Variants in TTLL8 observed in about 807,000 individuals in gnomAD.
TTLL8 encodes protein monoglycylase TTLL8.
Under a neutral mutation model 77.8 loss-of-function variants are expected in TTLL8, and 65 were observed. The ratio of observed to expected loss-of-function variants is 0.84; its 90% confidence interval spans 0.68 to 1.03. The LOEUF is 1.03. Among genes scored for constraint, TTLL8 ranks in the 50% least tolerant of loss-of-function variants. The pLI is 0.00. For missense variants in TTLL8, 910 were observed against 1,004.5 expected (o/e 0.91, Z 1.27); for synonymous variants, 402 against 422.8 (o/e 0.95, Z 0.60).
Position 50,031,443 on chromosome 22 carries a change from C to T in TTLL8, c.1707+243G>A, listed in dbSNP as rs550030673. ...AGGCACTGAGCCTGAGTGAGCGGGG[C>T]CGCTCCGCCCGCACGCCTGGAGTAG... On this transcript the variant is annotated intron_variant, in intron 11 of 13. Coordinates refer to ENST00000266182, the Ensembl canonical transcript of TTLL8. Among the ~76,000 whole-genome samples the T allele has an allele frequency of 3.3e-5, 5 of 152,318 alleles. No homozygotes were observed. The East Asian group carries it at 9.6e-4, about 29-fold the overall frequency.
chr22:50,032,162 C>T lies in TTLL8; in HGVS notation c.1284-53G>A, dbSNP rs2061301245. On this transcript the variant is annotated intron_variant, in intron 10 of 13. Transcript: ENST00000266182. ...CAGCCTCCCTTGGCCCAGGAGGGCACCCAAGGCCGGTCCTCCCAGCCGTGC... is the reference window on the plus strand; with the variant it reads ...CAGCCTCCCTTGGCCCAGGAGGGCATCCAAGGCCGGTCCTCCCAGCCGTGC... 26 of 1,302,338 alleles carry T rather than the reference C, an allele frequency of 2.0e-5. No homozygotes were observed. The South Asian group carries it at 3.0e-4, about 15-fold the overall frequency. 80.7% of individuals were successfully genotyped at this position (1,302,338 alleles called of 1,614,324 possible). A position where few individuals can be genotyped will look rare whatever the true frequency, so the allele number is the denominator to read the frequency against.
intron 12 of TTLL8, among the ~76,000 whole-genome samples, chr22:50,022,760 C>A (rs928671060): frequency 6.6e-6 from 1 of 152,240 alleles, no homozygotes; most frequent in South Asian, 2.1e-4. Context: ...GAATAAGACA[C>A]AAAAGGCATA....
chr22:50,043,802 A>G (rs1462137861), intron 6 of TTLL8, among the ~76,000 whole-genome samples: 3 of 152,178 alleles, frequency 2.0e-5, no homozygotes, highest in Admixed American at 6.5e-5. Flanking sequence ...ACCGAATGGC[A>G]TTCTAGAAAA....
chr22:50,027,989 C>T (rs1049855936), intron 12 of TTLL8, among the ~76,000 whole-genome samples: 8 of 152,338 alleles, frequency 5.3e-5, no homozygotes, highest in Admixed American at 3.3e-4. Context: ...GCCTCAGACA[C>T]GTGGTGTCGG....
intron 1 of TTLL8, among the ~76,000 whole-genome samples, chr22:50,051,152 G>A (rs548682489): frequency 2.0e-4 from 31 of 152,280 alleles, no homozygotes; most frequent in Admixed American, 1.6e-3. Flanking sequence ...GTGAGCCACC[G>A]CGCCCAGCCC....
chr22:50,033,369 CTTG>C (rs2061312598), exon 10 of TTLL8: 1 of 1,365,386 alleles, frequency 7.3e-7, no homozygotes, highest in Non-Finnish European at 9.8e-7. Flanking sequence ...GGACCACCCA[CTTG>C]TTGTCCCTGG....
At chr22:50,028,229 C>T (rs767863844) in intron 12 of TTLL8, among the ~76,000 whole-genome samples, 2 of 152,342 alleles carry the variant, frequency 1.3e-5, no homozygotes, top group East Asian at 3.9e-4. Context: ...CTTTCCTCTT[C>T]AGCATGGTAA....
At chr22:50,033,518 G>A (rs2061314128) in intron 9 of TTLL8, 73 bp from the exon 11 acceptor site, 7 of 1,268,402 alleles carry the variant, frequency 5.5e-6, no homozygotes, top group Admixed American at 2.1e-5. Flanking sequence ...GAGCCCTGGG[G>A]CAGGGTCGCA....
At chr22:50,026,642 G>A (rs1345753239) in intron 12 of TTLL8, among the ~76,000 whole-genome samples, 1 of 152,216 alleles carries the variant, frequency 6.6e-6, no homozygotes, top group Non-Finnish European at 1.5e-5. Flanking sequence ...TCACCATTTG[G>A]AGAAGAGACT....
At chr22:50,020,278 C>T (rs2061186782) in intron 12 of TTLL8, among the ~76,000 whole-genome samples, 4 of 150,884 alleles carry the variant, frequency 2.7e-5, no homozygotes, top group African/African-American at 5.0e-5. Flanking sequence ...ACGTGCACTC[C>T]TCCATCTGAT....
rs776508046 is a variant in TTLL8, at chr22:50,030,865, T to C, written c.1768A>G (p.Arg590Gly). 3.0e-6 allele frequency: 4 copies of C among 1,332,870 alleles called. No individual in the cohort carries two copies. The South Asian group carries it at 3.6e-5, about 12-fold the overall frequency. 82.6% of individuals were successfully genotyped at this position (1,332,870 alleles called of 1,614,324 possible). Residue 590 changes from arginine to glycine, a missense_variant, in exon 12 of 14, where the codon AGG becomes GGG. This residue lies in a region of TTLL8 where 776 missense variants were observed against 926.1 expected (regional missense o/e 0.84). Transcript: ENST00000266182. ...GGCAGCACCTGCCTCCTGGCTCTCCTCACACTGACGCCCGCCACGCAGAGG... is the reference window on the plus strand; with the variant it reads ...GGCAGCACCTGCCTCCTGGCTCTCCCCACACTGACGCCCGCCACGCAGAGG...
chr22:50,043,411 A>G (rs535062571), intron 6 of TTLL8, among the ~76,000 whole-genome samples: 2 of 92,596 alleles, frequency 2.2e-5, no homozygotes, highest in East Asian at 6.2e-4. Flanking sequence ...CCTTCGGTAG[A>G]TGGATAGATA....
At chr22:50,030,051 T>C (rs1394885573) in intron 12 of TTLL8, 1 of 635,900 alleles carries the variant, frequency 1.6e-6, no homozygotes, top group Non-Finnish European at 2.0e-6. Flanking sequence ...CGCGGTCACT[T>C]TGGCCCCTCG....
intron 12 of TTLL8, among the ~76,000 whole-genome samples, chr22:50,020,566 A>G (rs983682845): frequency 2.9e-5 from 3 of 104,450 alleles, no homozygotes; most frequent in African/African-American, 9.9e-5. Context: ...GCACTCCTCC[A>G]TCTGACAACG....
rs954291837 is a variant in TTLL8, at chr22:50,041,414, CCAGA to C, written c.831-141_831-138del. The C allele has an allele frequency of 4.9e-5, 50 of 1,030,022 alleles. No homozygotes were observed. Among genetic ancestry groups the C allele is most frequent in the Non-Finnish European group, 3.0e-5 (23 of 764,586 alleles). 63.8% of individuals were successfully genotyped at this position (1,030,022 alleles called of 1,614,324 possible). ...AATACCCAACAAGTATCCCAGACAT[CCAGA>C]CAGACACCACAATACTCAACAAGCA... On this transcript the variant is annotated intron_variant, in intron 7 of 13. Transcript: ENST00000266182. The surrounding 1 kb of genome is among the most constrained non-coding windows in gnomAD (Gnocchi z 4.3).
At chr22:50,038,376 T>G (rs904237678) in intron 8 of TTLL8, among the ~76,000 whole-genome samples, 6 of 152,170 alleles carry the variant, frequency 3.9e-5, no homozygotes, top group African/African-American at 1.4e-4. Context: ...CCTGTACTAT[T>G]TAACTAGTCA....
At position 50,050,109 on chromosome 22, in the gene TTLL8, C is replaced by CATTG; in HGVS notation, c.186_189dup (p.Asp64GlnfsTer2). On this transcript the variant is annotated frameshift_variant and splice_region_variant, in exon 2 of 14. Transcript: ENST00000266182. LOFTEE classifies it high-confidence loss of function. ...GAGACGTGCGCCTCCGATACGCTAC[C>CATTG]ATTGACCCGGGCGCCTTCATCCTCG... 1 of 1,366,826 alleles carries CATTG rather than the reference C, an allele frequency of 7.3e-7. No individual in the cohort carries two copies. The highest frequency in any genetic ancestry group is 9.8e-7 in the Non-Finnish European group (1 of 1,021,690). 84.7% of individuals were successfully genotyped at this position (1,366,826 alleles called of 1,614,324 possible). A position where few individuals can be genotyped will look rare whatever the true frequency, so the allele number is the denominator to read the frequency against.
At chr22:50,030,307 C>T (rs2061277692) in intron 12 of TTLL8, 123 bp downstream of exon 13, 14 of 1,113,196 alleles carry the variant, frequency 1.3e-5, no homozygotes, top group African/African-American at 1.7e-5. Flanking sequence ...GGGGACACCC[C>T]GGGCCCCAGC....
At chr22:50,053,624 C>A (rs557208317) in intron 1 of TTLL8, among the ~76,000 whole-genome samples, 2 of 152,052 alleles carry the variant, frequency 1.3e-5, no homozygotes, top group African/African-American at 4.8e-5. Flanking sequence ...AATTAATGAG[C>A]GGATATGGTT....
Sources: allele counts gnomAD v4.1 joint callset (sites outside exome capture counted in the v4.1 genomes callset), GRCh38; gene constraint gnomAD v4.1.1; regional missense constraint gnomAD v4.1.1; non-coding constraint Gnocchi (gnomAD v3.1); transcripts MANE v1.5; gene names NCBI Gene and HGNC (gene_info 2026-07-23, HGNC 2026-07-21).